THSD7B: variants seen among roughly 807,000 people sequenced by gnomAD.
THSD7B encodes thrombospondin type-1 domain-containing protein 7B.
THSD7B carries 138 observed loss-of-function variants against 213.6 expected under a neutral mutation model. That is an observed-to-expected ratio of 0.65 (90% CI 0.56 to 0.74). THSD7B has a LOEUF of 0.74. Ranked by LOEUF, THSD7B falls within the 30% of genes least tolerant of loss-of-function variation. The pLI is 0.00. For synonymous variants in THSD7B, 742 were observed against 687.0 expected (o/e 1.08, Z -1.25); for missense variants, 1,931 against 1,991.5 (o/e 0.97, Z 0.58).
chr2:137,324,330 G>A (rs1314199838), intron 12 of THSD7B, among the ~76,000 whole-genome samples: 1 of 152,194 alleles, frequency 6.6e-6, no homozygotes, highest in East Asian at 1.9e-4. Flanking sequence ...AGAAGATACT[G>A]TATCTCTTCC....
At chr2:137,483,504 G>A (rs771805414) in intron 15 of THSD7B, among the ~76,000 whole-genome samples, 19 of 152,212 alleles carry the variant, frequency 1.2e-4, no homozygotes, top group Admixed American at 2.0e-4. Context: ...GGTTTCAGAA[G>A]TTAAAATGGC....
At chr2:137,483,090 C>A (rs572640740) in intron 15 of THSD7B, among the ~76,000 whole-genome samples, 14 of 152,258 alleles carry the variant, frequency 9.2e-5, no homozygotes, top group African/African-American at 3.4e-4. Flanking sequence ...GCCTTGGGAC[C>A]TACAGCTCAT....
At position 137,483,373 on chromosome 2, in the gene THSD7B, C is replaced by T. The variant is rs529451472; in HGVS notation, c.3138+32350C>T. On this transcript the variant is annotated intron_variant, in intron 15 of 27. Coordinates refer to ENST00000409968, the MANE Select transcript of THSD7B (RefSeq NM_001316349.2). Reference sequence around the variant, plus strand: ...GGTCTAGGACTAAAACCCAAGGGAGCTTGTCTCTAGAGTCTTAGGTAATAC... The same window carrying T: ...GGTCTAGGACTAAAACCCAAGGGAGTTTGTCTCTAGAGTCTTAGGTAATAC... Among the ~76,000 whole-genome samples, 235 of 152,278 alleles carry T rather than the reference C, an allele frequency of 1.5e-3. 1 individual carries two copies. Among genetic ancestry groups the T allele is most frequent in the Non-Finnish European group, 2.0e-3 (136 of 68,024 alleles).
chr2:137,606,419 A>C (rs1682178878), intron 17 of THSD7B, among the ~76,000 whole-genome samples: 1 of 152,150 alleles, frequency 6.6e-6, no homozygotes. Flanking sequence ...GGGGCCCTGC[A>C]TTCTTTGGTG....
chr2:137,547,227 G>A (rs1680758677), intron 15 of THSD7B, among the ~76,000 whole-genome samples: 1 of 151,974 alleles, frequency 6.6e-6, no homozygotes, highest in Admixed American at 6.6e-5. Context: ...TGCCATCCTT[G>A]GTTATAAAAC....
intron 17 of THSD7B, among the ~76,000 whole-genome samples, chr2:137,591,526 C>T (rs918685706): frequency 3.3e-5 from 5 of 151,678 alleles, no homozygotes; most frequent in African/African-American, 1.2e-4. Flanking sequence ...TTTCTGTTTG[C>T]TTCAAAAATG....
chr2:137,450,853 C>A lies in THSD7B; in HGVS notation c.2968C>A (p.Gln990Lys), dbSNP rs182237787. The part of the protein sequence containing the change: ...PSFCSSSGYI[Q>K]EKCVIPCPFD... ...AAATCTTTTTCTGTCAGGTTACATT[C>A]AAGAAAAATGTGTCATTCCCTGCCC... is the stretch of plus-strand genomic sequence containing the variant. The change falls in exon 15 of 28, where the codon CAA (glutamine) becomes AAA (lysine). Residue 990 changes from glutamine to lysine, a missense_variant. Coordinates refer to ENST00000409968, the MANE Select transcript of THSD7B (RefSeq NM_001316349.2). 1.2e-6 allele frequency: 2 copies of A among 1,602,658 alleles called. No homozygotes were observed. Among genetic ancestry groups the A allele is most frequent in the African/African-American group, 1.3e-5 (1 of 74,360 alleles).
chr2:137,124,938 C>CA (rs148384623), intron 5 of THSD7B, among the ~76,000 whole-genome samples: 3,769 of 151,880 alleles, frequency 0.025, 167 homozygotes, highest in African/African-American at 0.085. Flanking sequence ...CCATGAAGCA[C>CA]AAAAAAAATC....
chr2:137,321,976 C>CCA (rs1684272387), intron 12 of THSD7B, among the ~76,000 whole-genome samples: 4 of 152,172 alleles, frequency 2.6e-5, no homozygotes, highest in Non-Finnish European at 5.9e-5. Context: ...TATGGGGAAG[C>CCA]AGATGCTTTT....
rs141661405 is a variant in THSD7B, at chr2:136,807,414, G to A, written c.-36+41727G>A. 5.9e-3 allele frequency among the ~76,000 whole-genome samples: 901 copies of A among 151,628 alleles called. 7 individuals are homozygous for A. Among genetic ancestry groups the A allele is most frequent in the African/African-American group, 0.021 (849 of 41,286 alleles). On this transcript the variant is annotated intron_variant, in intron 1 of 27. Coordinates refer to ENST00000409968, the MANE Select transcript of THSD7B (RefSeq NM_001316349.2). ...AGACATTATTCCATCTTTGGCCATT[G>A]GGTGTTCTTTGAGTTGGCTTCTGCA... is the stretch of plus-strand genomic sequence containing the variant.
Position 137,412,623 on chromosome 2 carries a change from A to AAAAAAAC in THSD7B, c.2959+755_2959+756insAACAAAA, listed in dbSNP as rs1573611118. On this transcript the variant is annotated intron_variant, in intron 14 of 27. Transcript: ENST00000409968. The stretch of plus-strand genomic sequence containing the variant: ...AAAAAAAAAAAAACAAAAAAAAACA[A>AAAAAAAC]AAAACAGTTTTACTATATAAAGTAT... 5.9e-4 allele frequency among the ~76,000 whole-genome samples: 74 copies of AAAAAAAC among 126,298 alleles called. 2 individuals are homozygous for AAAAAAAC. The highest frequency in any genetic ancestry group is 0.01 in the Middle Eastern group (2 of 198). 82.9% of individuals were successfully genotyped at this position (126,298 alleles called of 152,430 possible).
intron 2 of THSD7B, among the ~76,000 whole-genome samples, chr2:137,007,810 C>A (rs1250875822): frequency 6.6e-6 from 1 of 152,118 alleles, no homozygotes; most frequent in Non-Finnish European, 1.5e-5. Flanking sequence ...ATTCACTAGG[C>A]CAGCAGTCTT....
At chr2:137,552,094 G>A (rs2105207699) in intron 15 of THSD7B, among the ~76,000 whole-genome samples, 1 of 152,204 alleles carries the variant, frequency 6.6e-6, no homozygotes, top group East Asian at 1.9e-4. Context: ...ACATAGGCCT[G>A]CTCTTGCTTT....
At chr2:136,916,729 A>G (rs1684354417) in intron 2 of THSD7B, among the ~76,000 whole-genome samples, 1 of 152,194 alleles carries the variant, frequency 6.6e-6, no homozygotes, top group South Asian at 2.1e-4. Context: ...TTTTTGATCC[A>G]GATAGTTCAT....
chr2:137,597,571 G>C (rs147643723), intron 17 of THSD7B, among the ~76,000 whole-genome samples: 198 of 151,952 alleles, frequency 1.3e-3, no homozygotes, highest in African/African-American at 4.4e-3. Flanking sequence ...GTGCTTGCAT[G>C]GTGACAAGAA....
intron 14 of THSD7B, among the ~76,000 whole-genome samples, chr2:137,419,715 A>G (rs1433485630): frequency 6.6e-6 from 1 of 151,856 alleles, no homozygotes; most frequent in Non-Finnish European, 1.5e-5. Flanking sequence ...AGCACAGCAC[A>G]CAGTCAGAGA....
intron 12 of THSD7B, among the ~76,000 whole-genome samples, chr2:137,388,048 G>C (rs1005393859): frequency 6.6e-6 from 1 of 152,166 alleles, no homozygotes; most frequent in Non-Finnish European, 1.5e-5. Context: ...TCATGTAAGA[G>C]AGACTCTAGT....
chr2:137,044,198 A>G (rs777366062), intron 2 of THSD7B, among the ~76,000 whole-genome samples: 3 of 152,210 alleles, frequency 2.0e-5, no homozygotes, highest in Non-Finnish European at 4.4e-5. Context: ...TTTCCTGGAT[A>G]TCAGAGAATG....
intron 1 of THSD7B, among the ~76,000 whole-genome samples, chr2:136,827,532 A>G (rs1445625914): frequency 6.6e-6 from 1 of 152,154 alleles, no homozygotes; most frequent in East Asian, 1.9e-4. Flanking sequence ...CTGCTGCCAC[A>G]GTGTTGCTGC....
Sources: allele counts gnomAD v4.1 joint callset (sites outside exome capture counted in the v4.1 genomes callset), GRCh38; gene constraint gnomAD v4.1.1; transcripts MANE v1.5; gene names NCBI Gene and HGNC (gene_info 2026-07-23, HGNC 2026-07-21).